The following SMARCB1 variants were observed in gnomAD, a reference collection of about 807,000 sequenced individuals.
SMARCB1 encodes the protein SWI/SNF-related matrix-associated actin-dependent regulator of chromatin subfamily B member 1.
A neutral mutation model predicts 49.0 loss-of-function variants in SMARCB1; 5 were observed. The observed-to-expected ratio is 0.10, with a 90% confidence interval of 0.05 to 0.21. The LOEUF is 0.21. SMARCB1 is among the 10% of genes least tolerant of loss of function. SMARCB1 has a pLI of 1.00. For synonymous variants in SMARCB1, 201 were observed against 200.1 expected (o/e 1.00, Z -0.04); for missense variants, 226 against 509.2 (o/e 0.44, Z 5.35).
Position 23,835,000 on chromosome 22 carries a change from C to T in SMARCB1, c.*820C>T. 6.8e-7 allele frequency: 1 copy of T among 1,472,558 alleles called. No individual in the cohort carries two copies. The highest frequency in any genetic ancestry group is 9.0e-7 in the Non-Finnish European group (1 of 1,113,810). 91.2% of individuals were successfully genotyped at this position (1,472,558 alleles called of 1,614,324 possible). A position where few individuals can be genotyped will look rare whatever the true frequency, so the allele number is the denominator to read the frequency against. ...CCAGCCTGGGTGCAGGAGGGCTGTT[C>T]TAGCTCCAGTGGCACCCATAGCCAG... On this transcript the variant is annotated 3_prime_UTR_variant, in exon 9 of 9. Coordinates refer to ENST00000644036, the MANE Select transcript of SMARCB1 (RefSeq NM_003073.5).
rs769517643 is a variant in SMARCB1, at chr22:23,816,785, C to T, written c.644C>T (p.Pro215Leu). 1.2e-6 allele frequency: 2 copies of T among 1,613,826 alleles called. No individual in the cohort carries two copies. Among genetic ancestry groups the T allele is most frequent in the South Asian group, 1.1e-5 (1 of 91,086 alleles). The change falls in exon 6 of 9, where the codon CCT (proline) becomes CTT (leucine). Residue 215 changes from proline to leucine, a missense_variant. Transcript: ENST00000644036. ...CTGATTTCAGAGAAGTTGATGACGC[C>T]TGAGATGTTTTCAGAAATCCTCTGT... Reference protein sequence around the residue: ...TWNMNEKLMTPEMFSEILCDD... With the variant: ...TWNMNEKLMTLEMFSEILCDD...
chr22:23,814,870 T>G (rs1257511108), intron 5 of SMARCB1: 2 of 151,092 alleles, frequency 1.3e-5, no homozygotes, highest in African/African-American at 4.9e-5. Context: ...CTTGGGAGGC[T>G]GAGTCAGGAG....
chr22:23,837,154 C>T lies in SMARCB1; in HGVS notation c.*2974C>T. 6.2e-7 allele frequency: 1 copy of T among 1,613,808 alleles called. No individual in the cohort carries two copies. The highest frequency in any genetic ancestry group is 1.3e-5 in the African/African-American group (1 of 75,042). ...GTAGTAGATATGGCCCACCGCAATC[C>T]CTGTGAGACAGCCACGGACTGTGGG... On this transcript the variant is annotated 3_prime_UTR_variant, in exon 9 of 9. Coordinates refer to ENST00000644036, the MANE Select transcript of SMARCB1 (RefSeq NM_003073.5).
chr22:23,822,800 G>T (rs1040817273), intron 6 of SMARCB1, among the ~76,000 whole-genome samples: 1 of 151,660 alleles, frequency 6.6e-6, no homozygotes, highest in Non-Finnish European at 1.5e-5. Flanking sequence ...CTTCCTAAAG[G>T]CCACCTTCCT....
rs148447366 is a variant in SMARCB1 at position 23,796,546 on chromosome 22, T to C, written c.362+2858T>C. 2.3e-4 allele frequency among the ~76,000 whole-genome samples: 35 copies of C among 152,344 alleles called. No individual in the cohort carries two copies. The East Asian group carries it at 6.0e-3, about 26-fold the overall frequency. The stretch of plus-strand genomic sequence containing the variant: ...ATGTGGTTATGGAAAATCTTTTTTA[T>C]GATTCCCCTGAAAGGTGGCACGCCT... On this transcript the variant is annotated intron_variant, in intron 3 of 8. Transcript: ENST00000644036.
rs2145963608 is a variant in SMARCB1, at chr22:23,793,561, C to A, written c.235C>A (p.His79Asn). 1 of 1,614,016 alleles carries A rather than the reference C, an allele frequency of 6.2e-7. No individual in the cohort carries two copies. The highest frequency in any genetic ancestry group is 8.5e-7 in the Non-Finnish European group (1 of 1,179,936). Residue 79 changes from histidine to asparagine, a missense_variant and splice_region_variant, in exon 3 of 9, where the codon CAC becomes AAC. His to Asn is a moderately conservative substitution (Grantham distance 68, BLOSUM62 1). Coordinates refer to ENST00000644036, the MANE Select transcript of SMARCB1 (RefSeq NM_003073.5). ...GKKTKPNTKD[H>N]GYTTLATSVT... is the part of the protein sequence containing the mutation. ...CCAGTGATGTTTGTCTGTTACAGAT[C>A]ACGGATACACGACTCTAGCCACCAG...
Position 23,836,135 on chromosome 22 carries a change from G to A in SMARCB1, c.*1955G>A. ...TCCTCAGCTAAAAAGGGCAGGAACA[G>A]AACCTTCCAGAAGTCCCTGCCTCAC... is the stretch of plus-strand genomic sequence containing the variant. On this transcript the variant is annotated 3_prime_UTR_variant, in exon 9 of 9. Coordinates refer to ENST00000644036, the MANE Select transcript of SMARCB1 (RefSeq NM_003073.5). The A allele has an allele frequency of 1.0e-6, 1 of 985,478 alleles. No homozygotes were observed. Among genetic ancestry groups the A allele is most frequent in the East Asian group, 1.1e-4 (1 of 8,812 alleles). The allele number at this position is 985,478 out of a possible 1,614,324, so 61.0% of individuals were successfully genotyped here.
Position 23,803,414 on chromosome 22 carries a change from A to G in SMARCB1, c.620A>G (p.Asn207Ser), listed in dbSNP as rs763872301. ...AAGCTGCGAGACGCCTTCACCTGGA[A>G]CATGAATGGTACAAGGCAGTCGGGC... Reference protein sequence around the residue: ...GQKLRDAFTWNMNEKLMTPEM... With the variant: ...GQKLRDAFTWSMNEKLMTPEM... Residue 207 changes from asparagine (N) to serine (S), a missense_variant, in exon 5 of 9, where the codon AAC (asparagine) becomes AGC (serine). Transcript: ENST00000644036. 1 of 1,614,120 alleles carries G rather than the reference A, an allele frequency of 6.2e-7. No individual in the cohort carries two copies. The highest frequency in any genetic ancestry group is 8.5e-7 in the Non-Finnish European group (1 of 1,180,032).
At chr22:23,819,900 C>T (rs1157740488) in intron 6 of SMARCB1, among the ~76,000 whole-genome samples, 3 of 152,044 alleles carry the variant, frequency 2.0e-5, no homozygotes, top group Non-Finnish European at 4.4e-5. Flanking sequence ...GATCTTGGCT[C>T]ACTGCAACTT....
At chr22:23,825,165 TCCTCGCGGCCTC>T (rs2030313588) in intron 6 of SMARCB1, 48 bp from the exon 7 acceptor site, 1 of 1,486,672 alleles carries the variant, frequency 6.7e-7, no homozygotes, top group East Asian at 2.3e-5. Context: ...AGGGCCCCGC[TCCTCGCGGCCTC>T]CCTGGGCTGC....
chr22:23,822,957 C>CTTTTTTTT lies in SMARCB1; in HGVS notation c.796-2234_796-2227dup, dbSNP rs58056758. 2.5e-4 allele frequency among the ~76,000 whole-genome samples: 18 copies of CTTTTTTTT among 72,764 alleles called. 5 individuals carry two copies. The highest frequency in any genetic ancestry group is 4.0e-4 in the Admixed American group (2 of 4,982). 47.7% of individuals were successfully genotyped at this position (72,764 alleles called of 152,430 possible). A position where few individuals can be genotyped will look rare whatever the true frequency, so the allele number is the denominator to read the frequency against. On this transcript the variant is annotated intron_variant, in intron 6 of 8. Coordinates refer to ENST00000644036, the MANE Select transcript of SMARCB1 (RefSeq NM_003073.5). ...TCTGTCAGTGCCCCCACCAGCATAGCTTTTTTTTTTTTTTTTTTTTTTTTT... is the reference window on the plus strand; with the variant it reads ...TCTGTCAGTGCCCCCACCAGCATAGCTTTTTTTTTTTTTTTTTTTTTTTTTTTTTTTTT...
chr22:23,827,401 C>A (rs2030439211), intron 7 of SMARCB1, among the ~76,000 whole-genome samples: 1 of 152,222 alleles, frequency 6.6e-6, no homozygotes, highest in South Asian at 2.1e-4. Context: ...TTTCCAAGTT[C>A]CGGGCCCTCT....
In SMARCB1 at chr22:23,835,988, AG is replaced by A; in HGVS notation, c.*1810del. ...GAAAATGACAACCTGTCTTTGGAGG[AG>A]GCCCCGTGCCACTGAGCATCCAGAA... On this transcript the variant is annotated 3_prime_UTR_variant, in exon 9 of 9. Transcript: ENST00000644036. The A allele has an allele frequency of 1.3e-5, 13 of 985,532 alleles. No individual in the cohort carries two copies. Among genetic ancestry groups the A allele is most frequent in the Non-Finnish European group, 1.6e-5 (13 of 829,962 alleles). The allele number at this position is 985,532 out of a possible 1,614,324, so 61.0% of individuals were successfully genotyped here.
chr22:23,819,321 T>TATTC lies in SMARCB1; in HGVS notation c.795+2409_795+2412dup, dbSNP rs149317839. ...ATCTGTTGGTGTCCCTGTTTTCATT[T>TATTC]ATTCATTCATTCATTCATTCATTCA... On this transcript the variant is annotated intron_variant, in intron 6 of 8. Transcript: ENST00000644036. Among the ~76,000 whole-genome samples the TATTC allele has an allele frequency of 5.7e-3, 871 of 151,486 alleles. 8 individuals carry two copies. The highest frequency in any genetic ancestry group is 9.2e-3 in the South Asian group (43 of 4,680).
chr22:23,805,687 T>G (rs1929450832), intron 5 of SMARCB1, among the ~76,000 whole-genome samples: 1 of 152,198 alleles, frequency 6.6e-6, no homozygotes, highest in African/African-American at 2.4e-5. Flanking sequence ...GTATTTTTAG[T>G]GGAGACGGGA....
Position 23,834,732 on chromosome 22 carries a change from A to G in SMARCB1, c.*552A>G, listed in dbSNP as rs2030897027. 4.1e-6 allele frequency: 6 copies of G among 1,466,926 alleles called. No individual in the cohort carries two copies. The highest frequency in any genetic ancestry group is 2.3e-5 in the Admixed American group (1 of 44,280). The allele number at this position is 1,466,926 out of a possible 1,614,324, so 90.9% of individuals were successfully genotyped here. On this transcript the variant is annotated 3_prime_UTR_variant, in exon 9 of 9. Coordinates refer to ENST00000644036, the MANE Select transcript of SMARCB1 (RefSeq NM_003073.5). ...GCTCCCCTCAGCCTGTTCTCCTTCC[A>G]GACCCAGAGAGCTGAGAAGAGTAGC...
intron 6 of SMARCB1, 101 bp from the exon 7 acceptor site, chr22:23,825,124 C>A (rs2030310995): frequency 3.3e-6 from 3 of 914,062 alleles, no homozygotes; most frequent in Admixed American, 1.7e-5. Flanking sequence ...GCTGGTGGAC[C>A]CTGGTGGGCA....
At chr22:23,824,069 G>C (rs9624334) in intron 6 of SMARCB1, 22,283 of 152,288 alleles carry the variant, frequency 0.15, 1,643 homozygotes, top group Middle Eastern at 0.24. Flanking sequence ...CTCAGGAGCT[G>C]GCACTTTAGC....
intron 3 of SMARCB1, among the ~76,000 whole-genome samples, chr22:23,799,679 A>AGTTTTTTTTT (rs1929015108): frequency 1.5e-5 from 1 of 68,406 alleles, no homozygotes; most frequent in African/African-American, 5.8e-5. Flanking sequence ...CACCTGGCTA[A>AGTTTTTTTTT]TTTTTTTTTT....
Sources: gnomAD v4.1 joint callset for allele counts (sites outside exome capture counted in the v4.1 genomes callset) on GRCh38, gnomAD v4.1.1 for gene constraint, MANE v1.5 for transcripts, NCBI Gene and HGNC (gene_info 2026-07-23, HGNC 2026-07-21) for gene names.